DIP2A: variants seen among roughly 807,000 people sequenced by gnomAD.
DIP2A encodes DIP2 acetate--CoA ligase A, also known as disco-interacting protein 2 homolog A.
DIP2A carries 85 observed loss-of-function variants against 177.4 expected under a neutral mutation model. The observed-to-expected ratio is 0.48, with a 90% CI of 0.40 to 0.57. The LOEUF (loss-of-function observed/expected upper bound fraction) is 0.57, where lower values mean the gene tolerates loss of function less well. Ranked by LOEUF, DIP2A falls within the 20% of genes least tolerant of loss-of-function variation. DIP2A has a pLI of 0.00. For missense variants in DIP2A, 1,791 were observed against 2,100.2 expected (o/e 0.85, Z 2.88); for synonymous variants, 886 against 881.8 (o/e 1.00, Z -0.08).
intron 16 of DIP2A, chr21:46,539,119 C>G (rs990901088): frequency 2.3e-5 from 4 of 172,308 alleles, no homozygotes; most frequent in African/African-American, 9.6e-5. Context: ...TTTGTCAAGG[C>G]TGCACACGTG....
downstream of DIP2A, among the ~76,000 whole-genome samples, chr21:46,573,939 T>C (rs1035322230): frequency 3.3e-5 from 5 of 152,040 alleles, no homozygotes; most frequent in Non-Finnish European, 7.4e-5. Flanking sequence ...CTTTGAATAA[T>C]GGATGGAACA....
At chr21:46,560,655 G>A (rs561513971) in intron 32 of DIP2A, 67 bp from the exon 33 acceptor site, 14 of 1,553,084 alleles carry the variant, frequency 9.0e-6, no homozygotes, top group Non-Finnish European at 1.1e-5. Flanking sequence ...CCATGCAGCT[G>A]TACCTGTAGA....
At chr21:46,515,288 T>C (rs1402427274) in intron 8 of DIP2A, among the ~76,000 whole-genome samples, 2 of 152,232 alleles carry the variant, frequency 1.3e-5, no homozygotes, top group East Asian at 1.9e-4. Flanking sequence ...GCATTGGGCT[T>C]GTGGAGACTG....
intron 2 of DIP2A, among the ~76,000 whole-genome samples, chr21:46,489,013 GT>G (rs1907106677): frequency 6.6e-6 from 1 of 152,174 alleles, no homozygotes; most frequent in Admixed American, 6.5e-5. Context: ...GTTTTATCCA[GT>G]CACAAAAAGC....
In DIP2A at chr21:46,563,881, C is replaced by T; in HGVS notation, c.4113C>T (p.Ile1371=). Residue 1371 remains isoleucine (I), a synonymous_variant, in exon 35 of 38, where the codon ATC becomes ATT. Coordinates refer to ENST00000417564, the MANE Select transcript of DIP2A (RefSeq NM_015151.4). This position sits in a 1 kb window ranked among gnomAD's most constrained non-coding sequence, Gnocchi z 4.3. ...AGATCCTCCCCGGCGTGAAGGTCATCATCGCACACACCGAGACCAAAGGAC... is the reference window on the plus strand; with the variant it reads ...AGATCCTCCCCGGCGTGAAGGTCATTATCGCACACACCGAGACCAAAGGAC... ...SGKILPGVKV[I]IAHTETKGPL... 1.2e-6 allele frequency: 2 copies of T among 1,613,722 alleles called. No homozygotes were observed. The highest frequency in any genetic ancestry group is 1.7e-6 in the Non-Finnish European group (2 of 1,179,866).
chr21:46,576,524 T>C, the DIP2A span, among the ~76,000 whole-genome samples: 5 of 152,228 alleles, frequency 3.3e-5, no homozygotes, highest in African/African-American at 1.2e-4. Flanking sequence ...TAGCCTACCA[T>C]TGACAGCCAT....
rs200004636 is a variant in DIP2A at position 46,498,708 on chromosome 21, C to T, written c.530C>T (p.Ser177Leu). The change falls in exon 5 of 38, where the codon TCA (serine) becomes TTA (leucine). Residue 177 changes from serine (S) to leucine (L), a missense_variant. Coordinates refer to ENST00000417564, the MANE Select transcript of DIP2A (RefSeq NM_015151.4). The surrounding 1 kb of genome is among the most constrained non-coding windows in gnomAD (Gnocchi z 4.3). ...CGGGTCATTCAGGGCTCGTCCACCTCATCCTCTGCATCCTCCACCTCATCT... is the reference window on the plus strand; with the variant it reads ...CGGGTCATTCAGGGCTCGTCCACCTTATCCTCTGCATCCTCCACCTCATCT... ...LDRVIQGSST[S>L]SSASSTSSHP... 1,209 of 1,613,952 alleles carry T rather than the reference C, an allele frequency of 7.5e-4. 6 individuals are homozygous for T. Among genetic ancestry groups the T allele is most frequent in the Non-Finnish European group, 1.0e-4 (119 of 1,179,894 alleles).
intron 1 of DIP2A, among the ~76,000 whole-genome samples, chr21:46,475,639 C>CA (rs1402978583): frequency 6.6e-6 from 1 of 152,170 alleles, no homozygotes; most frequent in Admixed American, 6.5e-5. Context: ...TCAAACATAC[C>CA]AAAAACTTGT....
intron 1 of DIP2A, among the ~76,000 whole-genome samples, chr21:46,467,769 C>T (rs1171874901): frequency 1.3e-5 from 2 of 151,484 alleles, no homozygotes; most frequent in African/African-American, 4.9e-5. Context: ...AGTAAATTAT[C>T]CCAGTACAAG....
At chr21:46,573,769 G>A (rs2060980204), downstream of DIP2A, among the ~76,000 whole-genome samples, 1 of 149,858 alleles carries the variant, frequency 6.7e-6, no homozygotes, top group African/African-American at 2.5e-5. Flanking sequence ...AAGAAATGAT[G>A]GACATTAATA....
In DIP2A at chr21:46,538,497, G is replaced by A. The variant is rs1186066353; in HGVS notation, c.1816G>A (p.Val606Met). 10 of 1,548,262 alleles carry A rather than the reference G, an allele frequency of 6.5e-6. No homozygotes were observed. Among genetic ancestry groups the A allele is most frequent in the Non-Finnish European group, 7.8e-6 (9 of 1,149,148 alleles). Residue 606 changes from valine (V) to methionine (M), a missense_variant, in exon 16 of 38, where the codon GTG becomes ATG. Val to Met is a conservative substitution (Grantham distance 21). Transcript: ENST00000417564. The stretch of plus-strand genomic sequence containing the variant: ...TCTCTCTGCAGCTCGGGCCGCGCTG[G>A]TGAAGTCGCGAGACATGCACTGGTC... ...VCFYKARAAL[V>M]KSRDMHWSLL...
At chr21:46,509,862 A>C (rs2058218008) in intron 7 of DIP2A, among the ~76,000 whole-genome samples, 1 of 152,102 alleles carries the variant, frequency 6.6e-6, no homozygotes, top group Non-Finnish European at 1.5e-5. Flanking sequence ...CGTTAGGGCC[A>C]CAGGGGCCCC....
intron 8 of DIP2A, among the ~76,000 whole-genome samples, chr21:46,516,371 G>T (rs934562078): frequency 6.6e-6 from 1 of 150,470 alleles, no homozygotes; most frequent in East Asian, 2.0e-4. Flanking sequence ...CTTTTTCCCT[G>T]AGTCCTACAT....
rs1323513837 is a variant in DIP2A, at chr21:46,458,983, C to G, written c.-149C>G. 4 of 588,178 alleles carry G rather than the reference C, an allele frequency of 6.8e-6. No homozygotes were observed. Among genetic ancestry groups the G allele is most frequent in the East Asian group, 3.7e-5 (1 of 27,294 alleles). The allele number at this position is 588,178 out of a possible 1,614,324, so 36.4% of individuals were successfully genotyped here. On this transcript the variant is annotated 5_prime_UTR_variant, in exon 1 of 38. Transcript: ENST00000417564. ...GTGCCCGCGCGGGTGCGTTGCTGTC[C>G]TGGCCGCGCCCCTGTCCCGCCGCCT...
At chr21:46,492,309 G>T (rs551595843) in intron 3 of DIP2A, among the ~76,000 whole-genome samples, 1 of 152,202 alleles carries the variant, frequency 6.6e-6, no homozygotes, top group South Asian at 2.1e-4. Flanking sequence ...ATAAATGCGC[G>T]CATCTATTTC....
rs972978106 is a variant in DIP2A, at chr21:46,559,293, C to T, written c.3969+900C>T. ...TTTTTAGATAACCCTACATATTGAA[C>T]GCCTTATTCACCCACATAGTACAAG... On this transcript the variant is annotated intron_variant, in intron 32 of 37. Transcript: ENST00000417564. Among the ~76,000 whole-genome samples the T allele has an allele frequency of 3.9e-5, 6 of 152,130 alleles. No homozygotes were observed. In the East Asian group the frequency reaches 5.8e-4, roughly 15 times the overall value.
intron 32 of DIP2A, among the ~76,000 whole-genome samples, chr21:46,559,679 G>T (rs904720593): frequency 3.3e-5 from 5 of 152,256 alleles, no homozygotes; most frequent in African/African-American, 1.2e-4. Context: ...TTGCAGAAAT[G>T]ATGTTAATGG....
At chr21:46,475,621 G>C (rs1357619657) in intron 1 of DIP2A, among the ~76,000 whole-genome samples, 1 of 152,194 alleles carries the variant, frequency 6.6e-6, no homozygotes, top group Non-Finnish European at 1.5e-5. Flanking sequence ...CTCTAATTGT[G>C]AAATATTTCA....
intron 1 of DIP2A, among the ~76,000 whole-genome samples, chr21:46,459,772 C>T (rs560855851): frequency 3.3e-5 from 5 of 152,168 alleles, no homozygotes; most frequent in African/African-American, 7.2e-5. Flanking sequence ...CTCCTCACCC[C>T]GGGACGCCTG....
Sources: allele counts gnomAD v4.1 joint callset (sites outside exome capture counted in the v4.1 genomes callset), GRCh38; gene constraint gnomAD v4.1.1; non-coding constraint Gnocchi (gnomAD v3.1); transcripts MANE v1.5; gene names NCBI Gene and HGNC (gene_info 2026-07-23, HGNC 2026-07-21).